CACNB4: variants seen among roughly 807,000 people sequenced by gnomAD.
CACNB4 encodes the protein calcium voltage-gated channel auxiliary subunit beta 4, also known as voltage-dependent L-type calcium channel subunit beta-4.
CACNB4 carries 32 observed loss-of-function variants against 71.2 expected under a neutral mutation model. The ratio of observed to expected loss-of-function variants is 0.45; its 90% confidence interval spans 0.34 to 0.60. The LOEUF (loss-of-function observed/expected upper bound fraction) is 0.60. Among genes scored for constraint, CACNB4 ranks in the 20% least tolerant of loss-of-function variants. The probability of loss-of-function intolerance (pLI) is 0.01; values close to 1 mark genes in which losing one functional copy is unlikely to be tolerated. For missense variants in CACNB4, 464 were observed against 647.9 expected (o/e 0.72, Z 3.08); for synonymous variants, 231 against 236.9 (o/e 0.97, Z 0.23).
intron 2 of CACNB4, among the ~76,000 whole-genome samples, chr2:152,081,967 A>C (rs1687382141): frequency 6.6e-6 from 1 of 152,234 alleles, no homozygotes; most frequent in Non-Finnish European, 1.5e-5. Context: ...ACTCACCTTC[A>C]GCAAAGTTCC....
At chr2:151,846,790 A>C (rs1156715811) in intron 12 of CACNB4, among the ~76,000 whole-genome samples, 2 of 152,104 alleles carry the variant, frequency 1.3e-5, no homozygotes, top group Admixed American at 6.5e-5. Context: ...CATGGGCTCA[A>C]GTGATCCACC....
intron 2 of CACNB4, among the ~76,000 whole-genome samples, chr2:152,040,631 G>A (rs1162007219): frequency 2.0e-5 from 3 of 152,078 alleles, no homozygotes; most frequent in East Asian, 1.9e-4. Context: ...TAGTAGAGAC[G>A]AGGTTTCACC....
At chr2:152,037,173 G>A (rs1029036766) in intron 2 of CACNB4, among the ~76,000 whole-genome samples, 1 of 152,194 alleles carries the variant, frequency 6.6e-6, no homozygotes, top group Non-Finnish European at 1.5e-5. Flanking sequence ...TTCTCAATGA[G>A]TGATGTCTGA....
intron 2 of CACNB4, among the ~76,000 whole-genome samples, chr2:151,980,241 G>A (rs369171643): frequency 7.0e-4 from 107 of 151,988 alleles, no homozygotes; most frequent in East Asian, 1.5e-3. Context: ...AAAATCTTTC[G>A]GTGGCTTCCC....
intron 2 of CACNB4, among the ~76,000 whole-genome samples, chr2:151,988,046 T>C (rs984650803): frequency 1.3e-4 from 20 of 152,216 alleles, no homozygotes; most frequent in Admixed American, 5.2e-4. Flanking sequence ...TGAAATACTT[T>C]TTTTAAGATC....
intron 2 of CACNB4, among the ~76,000 whole-genome samples, chr2:152,001,569 C>T (rs1018471710): frequency 1.8e-4 from 25 of 142,854 alleles, no homozygotes; most frequent in African/African-American, 5.7e-4. Flanking sequence ...CAAAATTAGC[C>T]GGGCATGGTG....
At chr2:152,019,767 C>T (rs1683552822) in intron 2 of CACNB4, among the ~76,000 whole-genome samples, 1 of 152,176 alleles carries the variant, frequency 6.6e-6, no homozygotes, top group African/African-American at 2.4e-5. Context: ...TACATTTATA[C>T]AAAGGCTCAG....
intron 2 of CACNB4, among the ~76,000 whole-genome samples, chr2:151,991,816 C>T (rs541316653): frequency 6.6e-6 from 1 of 152,204 alleles, no homozygotes; most frequent in Non-Finnish European, 1.5e-5. Flanking sequence ...TCTGTAATGG[C>T]GATTGTCTTA....
At chr2:151,915,124 C>G (rs2099857128) in intron 2 of CACNB4, among the ~76,000 whole-genome samples, 1 of 152,184 alleles carries the variant, frequency 6.6e-6, no homozygotes, top group African/African-American at 2.4e-5. Context: ...ACACCTCCCC[C>G]TAGAGGCTCA....
intron 2 of CACNB4, among the ~76,000 whole-genome samples, chr2:151,978,875 A>G (rs1322644072): frequency 6.6e-6 from 1 of 152,006 alleles, no homozygotes; most frequent in African/African-American, 2.4e-5. Context: ...CCGGCAGCCT[A>G]CCTGCTCTAT....
chr2:151,979,748 G>A (rs2151747458), intron 2 of CACNB4, among the ~76,000 whole-genome samples: 1 of 152,348 alleles, frequency 6.6e-6, no homozygotes. Context: ...GGATGGCGTG[G>A]CAGCAACACT....
At chr2:152,037,337 T>C (rs572508342) in intron 2 of CACNB4, among the ~76,000 whole-genome samples, 20 of 152,314 alleles carry the variant, frequency 1.3e-4, no homozygotes, top group Admixed American at 8.5e-4. Context: ...TCTGTGGCAA[T>C]CTATATCCCG....
chr2:152,083,307 T>A (rs1484545845), intron 2 of CACNB4, among the ~76,000 whole-genome samples: 1 of 148,302 alleles, frequency 6.7e-6, no homozygotes, highest in Non-Finnish European at 1.5e-5. Flanking sequence ...CCCCATTAGC[T>A]GCAAAAAGAA....
chr2:152,067,025 G>A (rs1330800729), intron 2 of CACNB4, among the ~76,000 whole-genome samples: 2 of 146,690 alleles, frequency 1.4e-5, no homozygotes, highest in Non-Finnish European at 3.0e-5. Context: ...GGATAGCACT[G>A]GGAGATATAC....
At chr2:151,928,903 C>A (rs1560013351) in intron 2 of CACNB4, among the ~76,000 whole-genome samples, 1 of 142,774 alleles carries the variant, frequency 7.0e-6, no homozygotes, top group Non-Finnish European at 1.5e-5. Flanking sequence ...CAGAGTGAGA[C>A]CCTGTCTCAA....
chr2:151,839,476 G>A (rs1017615345), intron 13 of CACNB4, 97 bp from the exon 14 acceptor site: 6 of 958,606 alleles, frequency 6.3e-6, no homozygotes, highest in Non-Finnish European at 9.4e-6. Flanking sequence ...ACAATAAGAT[G>A]CTAAATATCT....
At chr2:151,872,521 T>C in intron 5 of CACNB4, 28 bp from the exon 6 acceptor site, 1 of 1,219,554 alleles carries the variant, frequency 8.2e-7, no homozygotes, top group South Asian at 1.2e-5. Flanking sequence ...AACTAAAGAC[T>C]CACTCCCCAG....
At chr2:151,936,538 C>T (rs2099862960) in intron 2 of CACNB4, 1 of 152,226 alleles carries the variant, frequency 6.6e-6, no homozygotes. Flanking sequence ...AAAATGATTG[C>T]TGAAAATGAA....
chr2:151,998,809 C>T (rs966023323), intron 2 of CACNB4, among the ~76,000 whole-genome samples: 1 of 152,162 alleles, frequency 6.6e-6, no homozygotes, highest in Non-Finnish European at 1.5e-5. Context: ...GGCTGTCTAC[C>T]CTAGTCTATG....
Sources: gnomAD v4.1 joint callset for allele counts (sites outside exome capture counted in the v4.1 genomes callset) on GRCh38, gnomAD v4.1.1 for gene constraint, MANE v1.5 for transcripts, NCBI Gene and HGNC (gene_info 2026-07-23, HGNC 2026-07-21) for gene names.